TNS3: variants seen among roughly 807,000 people sequenced by gnomAD.
The protein encoded by TNS3 is tensin 3.
Under a neutral mutation model 140.9 loss-of-function variants are expected in TNS3, and 45 were observed. The ratio of observed to expected loss-of-function variants is 0.32; its 90% CI spans 0.25 to 0.41. TNS3 has a LOEUF of 0.41. Ranked by LOEUF, TNS3 falls within the 10% of genes least tolerant of loss-of-function variation. TNS3 has a pLI of 1.00. For missense variants in TNS3, 1,716 were observed against 1,906.7 expected (o/e 0.90, Z 1.86); for synonymous variants, 815 against 788.4 (o/e 1.03, Z -0.56).
chr7:47,282,675 G>A (rs532304627), intron 28 of TNS3, among the ~76,000 whole-genome samples: 1 of 152,320 alleles, frequency 6.6e-6, no homozygotes, highest in South Asian at 2.1e-4. Context: ...AGAGCATCAA[G>A]CATTGGGACC....
intron 10 of TNS3, among the ~76,000 whole-genome samples, chr7:47,420,232 T>C (rs1174263397): frequency 3.9e-5 from 6 of 152,274 alleles, no homozygotes; most frequent in South Asian, 4.2e-4. Flanking sequence ...TAGACAGGCA[T>C]GAGCAGGGCA....
chr7:47,347,670 G>T (rs1418168089), intron 17 of TNS3, among the ~76,000 whole-genome samples: 1 of 152,022 alleles, frequency 6.6e-6, no homozygotes, highest in East Asian at 1.9e-4. Flanking sequence ...AAGCAAGGGA[G>T]ATCCAAACAC....
rs140400453 is a variant in TNS3 at position 47,533,663 on chromosome 7, T to C, written c.-264-4516A>G. Among the ~76,000 whole-genome samples the C allele has an allele frequency of 6.1e-3, 928 of 152,268 alleles. 5 individuals are homozygous for C. Among genetic ancestry groups the C allele is most frequent in the South Asian group, 0.021 (103 of 4,824 alleles). On this transcript the variant is annotated intron_variant, in intron 1 of 30. Coordinates refer to ENST00000311160, the MANE Select transcript of TNS3 (RefSeq NM_022748.12). The stretch of plus-strand genomic sequence containing the variant: ...ACTGTGTCCCCGCCCAAATCTCATC[T>C]TGAATTCCCATGTGTTGTGAGAGGG...
At chr7:47,563,493 C>T (rs1800359623) in intron 1 of TNS3, among the ~76,000 whole-genome samples, 1 of 152,170 alleles carries the variant, frequency 6.6e-6, no homozygotes, top group South Asian at 2.1e-4. Context: ...GAGTGCCCAA[C>T]CTCTGAAGCC....
intron 27 of TNS3, among the ~76,000 whole-genome samples, chr7:47,288,760 G>C (rs1211866705): frequency 6.6e-6 from 1 of 152,138 alleles, no homozygotes; most frequent in Admixed American, 6.5e-5. Flanking sequence ...ATTCCTCTTG[G>C]GCCAGAAAAA....
chr7:47,448,294 C>T (rs773136484), intron 4 of TNS3, among the ~76,000 whole-genome samples: 6 of 152,198 alleles, frequency 3.9e-5, no homozygotes, highest in Admixed American at 6.5e-5. Context: ...CCCTCTGCAA[C>T]AAAACTTCCT....
At chr7:47,574,095 C>A (rs1005780007) in intron 1 of TNS3, among the ~76,000 whole-genome samples, 3 of 152,064 alleles carry the variant, frequency 2.0e-5, no homozygotes, top group Admixed American at 6.6e-5. Flanking sequence ...GAAAAGCAGC[C>A]GAGGAAACCC....
chr7:47,356,197 G>A (rs992762894), intron 17 of TNS3, among the ~76,000 whole-genome samples: 1 of 152,184 alleles, frequency 6.6e-6, no homozygotes, highest in Non-Finnish European at 1.5e-5. Flanking sequence ...GTTGAGAACT[G>A]CAAATATACA....
Position 47,411,618 on chromosome 7 carries a change from C to CT in TNS3, c.723+108dup, listed in dbSNP as rs1319378865. ...TACTTTTCCTTCTTCCTACAGGGTACTTTTTTTGGGGGTGAGGGTTACTGT... is the reference window on the plus strand; with the variant it reads ...TACTTTTCCTTCTTCCTACAGGGTACTTTTTTTTGGGGGTGAGGGTTACTGT... On this transcript the variant is annotated intron_variant, in intron 13 of 30. Transcript: ENST00000311160. The CT allele has an allele frequency of 1.7e-5, 21 of 1,224,646 alleles. 1 individual carries two copies. Among genetic ancestry groups the CT allele is most frequent in the South Asian group, 1.4e-4 (9 of 65,790 alleles). 75.9% of individuals were successfully genotyped at this position (1,224,646 alleles called of 1,614,324 possible).
At chr7:47,370,238 T>G (rs1790978641) in intron 16 of TNS3, among the ~76,000 whole-genome samples, 2 of 151,768 alleles carry the variant, frequency 1.3e-5, no homozygotes, top group Non-Finnish European at 2.9e-5. Context: ...ATCATGCCAC[T>G]GCACTCACTC....
At chr7:47,345,201 C>G (rs1373370497) in intron 18 of TNS3, among the ~76,000 whole-genome samples, 163 bp from the exon 19 acceptor site, 1 of 152,120 alleles carries the variant, frequency 6.6e-6, no homozygotes, top group Non-Finnish European at 1.5e-5. Context: ...AAAACCAGCC[C>G]GCCTCTCCTA....
intron 4 of TNS3, among the ~76,000 whole-genome samples, chr7:47,474,483 TACAC>T (rs1253869985): frequency 8.1e-6 from 1 of 123,974 alleles, no homozygotes; most frequent in Non-Finnish European, 1.7e-5. Context: ...CCTCACACAA[TACAC>T]ACAACACAGA....
At chr7:47,524,803 C>T (rs1378216091) in intron 2 of TNS3, among the ~76,000 whole-genome samples, 4 of 59,990 alleles carry the variant, frequency 6.7e-5, no homozygotes, top group African/African-American at 3.2e-4. Flanking sequence ...AGCGAGACTC[C>T]GTCTCAAGAA....
At chr7:47,379,225 C>G (rs1464766096) in intron 16 of TNS3, among the ~76,000 whole-genome samples, 1 of 152,208 alleles carries the variant, frequency 6.6e-6, no homozygotes, top group Non-Finnish European at 1.5e-5. Context: ...GAAAGACCTT[C>G]CCAGTCAGGA....
intron 4 of TNS3, among the ~76,000 whole-genome samples, chr7:47,468,277 G>C (rs945540229): frequency 6.6e-5 from 10 of 151,986 alleles, no homozygotes; most frequent in Non-Finnish European, 1.2e-4. Flanking sequence ...CCCGTCTCTA[G>C]TAAAAATACA....
At chr7:47,551,094 G>A (rs1481345389) in intron 1 of TNS3, among the ~76,000 whole-genome samples, 1 of 152,168 alleles carries the variant, frequency 6.6e-6, no homozygotes, top group African/African-American at 2.4e-5. Flanking sequence ...TGTGGGAAGC[G>A]CCAGGAAGAT....
At chr7:47,317,485 G>T (rs890810819) in intron 20 of TNS3, among the ~76,000 whole-genome samples, 7 of 152,212 alleles carry the variant, frequency 4.6e-5, no homozygotes, top group Non-Finnish European at 7.3e-5. Context: ...AGTTGGTGTT[G>T]TGTAGAGAAT....
At chr7:47,293,951 G>A in intron 24 of TNS3, 123 bp from the exon 25 acceptor site, 2 of 866,076 alleles carry the variant, frequency 2.3e-6, no homozygotes, top group Non-Finnish European at 3.6e-6. Flanking sequence ...TACGAGTCCA[G>A]TCACTGCAAA....
intron 3 of TNS3, among the ~76,000 whole-genome samples, chr7:47,503,514 A>C (rs1798302773): frequency 6.6e-6 from 1 of 152,176 alleles, no homozygotes; most frequent in African/African-American, 2.4e-5. Context: ...CACATGAATA[A>C]GCACTGCATT....
Sources: allele counts gnomAD v4.1 joint callset (sites outside exome capture counted in the v4.1 genomes callset), GRCh38; gene constraint gnomAD v4.1.1; transcripts MANE v1.5; gene names NCBI Gene and HGNC (gene_info 2026-07-23, HGNC 2026-07-21).